The following ADAMTS12 variants were observed in gnomAD, a reference collection of about 807,000 sequenced individuals.
ADAMTS12 encodes A disintegrin and metalloproteinase with thrombospondin motifs 12.
Under a neutral mutation model 167.8 loss-of-function variants are expected in ADAMTS12, and 118 were observed. The ratio of observed to expected loss-of-function variants is 0.70; its 90% CI spans 0.61 to 0.82. The LOEUF is 0.82. Among genes scored for constraint, ADAMTS12 ranks in the 40% least tolerant of loss-of-function variants. The pLI, the probability that ADAMTS12 is intolerant of heterozygous loss-of-function variation, is 0.00. For missense variants in ADAMTS12, 1,916 were observed against 1,998.8 expected, an observed-to-expected ratio of 0.96 and a Z score of 0.79; for synonymous variants, 704 against 716.9, an observed-to-expected ratio of 0.98 and a Z score of 0.29.
chr5:33,558,142 C>T (rs142813756), intron 20 of ADAMTS12, among the ~76,000 whole-genome samples: 1 of 152,082 alleles, frequency 6.6e-6, no homozygotes, highest in Non-Finnish European at 1.5e-5. Flanking sequence ...CTTGAATCAT[C>T]CCAAAACCAT....
rs1740539320 is a variant in ADAMTS12 at position 33,643,372 on chromosome 5, C to T, written c.1572+6G>A. 6.2e-7 allele frequency: 1 copy of T among 1,614,088 alleles called. No individual in the cohort carries two copies. The highest frequency in any genetic ancestry group is 1.1e-5 in the South Asian group (1 of 91,078). On this transcript the variant is annotated splice_donor_region_variant and intron_variant, in intron 10 of 23. Coordinates refer to ENST00000504830, the MANE Select transcript of ADAMTS12 (RefSeq NM_030955.4). ...TCCCACCTCATTCCTCGGCCTGACG[C>T]ATCACCTTCTTCTCACCACATTGAG...
chr5:33,614,108 G>A, intron 16 of ADAMTS12, 130 bp downstream of exon 16: 1 of 1,270,404 alleles, frequency 7.9e-7, no homozygotes, highest in African/African-American at 1.5e-5. Context: ...GTCCGCAGAG[G>A]CCCCTGGCCA....
At chr5:33,798,996 C>T (rs1219131395) in intron 2 of ADAMTS12, among the ~76,000 whole-genome samples, 2 of 152,134 alleles carry the variant, frequency 1.3e-5, no homozygotes, top group East Asian at 3.9e-4. Flanking sequence ...CAATACACAA[C>T]TTTTTCTACC....
chr5:33,548,365 C>A (rs1266693245), intron 21 of ADAMTS12, among the ~76,000 whole-genome samples: 1 of 152,138 alleles, frequency 6.6e-6, no homozygotes, highest in Non-Finnish European at 1.5e-5. Context: ...AGGTAGGTTT[C>A]TCAACCTAAG....
At chr5:33,833,434 A>G (rs1561297171) in intron 2 of ADAMTS12, among the ~76,000 whole-genome samples, 3 of 152,198 alleles carry the variant, frequency 2.0e-5, no homozygotes, top group Admixed American at 2.0e-4. Context: ...TGTCATTTAT[A>G]TCAGCTCTCT....
intron 11 of ADAMTS12, among the ~76,000 whole-genome samples, chr5:33,640,998 A>T (rs1035143446): frequency 6.6e-5 from 10 of 151,904 alleles, no homozygotes; most frequent in Admixed American, 2.0e-4. Context: ...AAAAAATGTG[A>T]CTCCTACTTT....
At chr5:33,651,957 G>A (rs777402078) in intron 7 of ADAMTS12, among the ~76,000 whole-genome samples, 3 of 151,880 alleles carry the variant, frequency 2.0e-5, no homozygotes, top group Non-Finnish European at 2.9e-5. Context: ...ATGTTGCTGC[G>A]CAAGACATGA....
intron 3 of ADAMTS12, among the ~76,000 whole-genome samples, chr5:33,750,686 T>C (rs946705506): frequency 6.6e-6 from 1 of 152,204 alleles, no homozygotes; most frequent in African/African-American, 2.4e-5. Context: ...AATGCATAGC[T>C]TATTATCTCC....
chr5:33,628,646 T>A (rs1369660629), intron 13 of ADAMTS12, among the ~76,000 whole-genome samples: 1 of 152,200 alleles, frequency 6.6e-6, no homozygotes, highest in African/African-American at 2.4e-5. Flanking sequence ...TGAAAGCATA[T>A]ACTTTTATGT....
intron 3 of ADAMTS12, among the ~76,000 whole-genome samples, chr5:33,694,352 A>G (rs1579844969): frequency 6.6e-6 from 1 of 152,336 alleles, no homozygotes; most frequent in Non-Finnish European, 1.5e-5. Flanking sequence ...GAGCAATCAC[A>G]TAGTAACCTA....
At chr5:33,726,512 G>A (rs773650466) in intron 3 of ADAMTS12, among the ~76,000 whole-genome samples, 3 of 152,226 alleles carry the variant, frequency 2.0e-5, no homozygotes, top group Non-Finnish European at 2.9e-5. Context: ...AACAGATTCA[G>A]AGAGACTCTG....
rs1020654613 is a variant in ADAMTS12 at position 33,690,399 on chromosome 5, G to A, written c.635-6344C>T. Among the ~76,000 whole-genome samples the A allele has an allele frequency of 3.3e-5, 5 of 152,000 alleles. No homozygotes were observed. The South Asian group carries it at 6.2e-4, about 19-fold the overall frequency. On this transcript the variant is annotated intron_variant, in intron 3 of 23. Transcript: ENST00000504830. ...ACCTGAGTCTAAGTTGTTAGAAACT[G>A]CTAGATCCCCAAAACAAGTACATCC... is the stretch of plus-strand genomic sequence containing the variant.
chr5:33,891,702 T>A, intron 1 of ADAMTS12, 28 bp downstream of exon 1: 1 of 1,613,070 alleles, frequency 6.2e-7, no homozygotes, highest in Non-Finnish European at 8.5e-7. Context: ...ACCACTGTTT[T>A]AAAAAGAAAT....
intron 2 of ADAMTS12, among the ~76,000 whole-genome samples, chr5:33,770,083 G>A (rs889368075): frequency 6.6e-6 from 1 of 151,998 alleles, no homozygotes; most frequent in African/African-American, 2.4e-5. Flanking sequence ...TAATGGTCCC[G>A]CTAACAAAGT....
At chr5:33,707,434 C>G (rs1743242021) in intron 3 of ADAMTS12, among the ~76,000 whole-genome samples, 1 of 152,072 alleles carries the variant, frequency 6.6e-6, no homozygotes, top group Admixed American at 6.6e-5. Flanking sequence ...ACTTTCTTCA[C>G]AGAATTAGGA....
chr5:33,685,729 T>C (rs992369870), intron 3 of ADAMTS12, among the ~76,000 whole-genome samples: 1 of 152,184 alleles, frequency 6.6e-6, no homozygotes, highest in Non-Finnish European at 1.5e-5. Context: ...AATGGGGAGA[T>C]GGTTAACCCC....
chr5:33,532,345 G>C (rs945058035), intron 23 of ADAMTS12, among the ~76,000 whole-genome samples: 1 of 152,068 alleles, frequency 6.6e-6, no homozygotes, highest in African/African-American at 2.4e-5. Context: ...GACATCTTGT[G>C]ATCAATAATA....
At chr5:33,784,802 T>C (rs1746270848) in intron 2 of ADAMTS12, among the ~76,000 whole-genome samples, 1 of 152,072 alleles carries the variant, frequency 6.6e-6, no homozygotes, top group Non-Finnish European at 1.5e-5. Context: ...CAAGTGGCTA[T>C]TTTGGTAGAA....
intron 2 of ADAMTS12, among the ~76,000 whole-genome samples, chr5:33,879,059 T>C (rs147233215): frequency 5.8e-4 from 88 of 152,294 alleles, no homozygotes; most frequent in African/African-American, 2.1e-3. Context: ...GATATAGGTT[T>C]CTTTGTGGGC....
Sources: allele counts gnomAD v4.1 joint callset (sites outside exome capture counted in the v4.1 genomes callset), GRCh38; gene constraint gnomAD v4.1.1; transcripts MANE v1.5; gene names NCBI Gene and HGNC (gene_info 2026-07-23, HGNC 2026-07-21).